The following CMTM8 variants were observed in gnomAD, a reference collection of about 807,000 sequenced individuals.
The protein encoded by CMTM8 is CKLF like MARVEL transmembrane domain containing 8.
Under a neutral mutation model 18.6 loss-of-function variants are expected in CMTM8, and 12 were observed. That is an observed-to-expected ratio of 0.65 (90% confidence interval 0.41 to 1.05). CMTM8 has a LOEUF of 1.05. Ranked by LOEUF, CMTM8 falls within the 50% of genes least tolerant of loss-of-function variation. The pLI is 0.00. For synonymous variants in CMTM8, 87 were observed against 90.6 expected, an observed-to-expected ratio of 0.96 and a Z score of 0.23; for missense variants, 217 against 227.2, an observed-to-expected ratio of 0.95 and a Z score of 0.29.
intron 1 of CMTM8, among the ~76,000 whole-genome samples, chr3:32,343,738 C>A (rs1696544057): frequency 6.6e-6 from 1 of 152,150 alleles, no homozygotes; most frequent in Non-Finnish European, 1.5e-5. Context: ...CCAATCTTGT[C>A]ACCCAGGCTG....
intron 2 of CMTM8, among the ~76,000 whole-genome samples, chr3:32,362,704 C>T (rs1353669392): frequency 1.3e-5 from 2 of 152,138 alleles, no homozygotes; most frequent in Non-Finnish European, 2.9e-5. Flanking sequence ...CTAAAGAGTC[C>T]CATTTGTTAT....
intron 1 of CMTM8, among the ~76,000 whole-genome samples, chr3:32,325,293 T>G (rs1370340549): frequency 2.0e-5 from 3 of 152,212 alleles, no homozygotes; most frequent in Non-Finnish European, 4.4e-5. Context: ...AAGGGGTGCT[T>G]CTGTGCAACT....
At chr3:32,300,633 A>G (rs1232712358) in intron 1 of CMTM8, among the ~76,000 whole-genome samples, 3 of 152,210 alleles carry the variant, frequency 2.0e-5, no homozygotes, top group African/African-American at 7.2e-5. Context: ...TTTGGATTTC[A>G]TAGCATTTTC....
chr3:32,263,202 C>T (rs941449943), intron 1 of CMTM8, among the ~76,000 whole-genome samples: 1 of 152,224 alleles, frequency 6.6e-6, no homozygotes, highest in African/African-American at 2.4e-5. Context: ...AGGCACCCCC[C>T]AGTAGGGGCA....
At chr3:32,247,358 G>A (rs1203838931) in intron 1 of CMTM8, among the ~76,000 whole-genome samples, 1 of 152,110 alleles carries the variant, frequency 6.6e-6, no homozygotes, top group Non-Finnish European at 1.5e-5. Context: ...TTTCGCCCAG[G>A]CTGGAGGGCG....
At chr3:32,354,436 T>C (rs1240378997) in intron 1 of CMTM8, among the ~76,000 whole-genome samples, 1 of 152,228 alleles carries the variant, frequency 6.6e-6, no homozygotes, top group African/African-American at 2.4e-5. Context: ...AGTATTCCCG[T>C]TCTTTGAAAG....
chr3:32,335,281 C>T (rs892213808), intron 1 of CMTM8, among the ~76,000 whole-genome samples: 2 of 152,154 alleles, frequency 1.3e-5, no homozygotes, highest in Non-Finnish European at 2.9e-5. Flanking sequence ...GAAGCCTTCC[C>T]GTACATGTCA....
chr3:32,286,618 A>C lies in CMTM8; in HGVS notation c.147+47499A>C, dbSNP rs1217150992. Among the ~76,000 whole-genome samples, 9 of 152,212 alleles carry C rather than the reference A, an allele frequency of 5.9e-5. No homozygotes were observed. In the East Asian group the frequency reaches 1.7e-3, roughly 29 times the overall value. On this transcript the variant is annotated intron_variant, in intron 1 of 3. Transcript: ENST00000307526. ...AGGATTGGCACCATTTCCCATAGGA[A>C]GGCGTAACACACATGTTCTCAGCTC...
chr3:32,363,302 G>A lies in CMTM8; in HGVS notation c.322-4570G>A, dbSNP rs553134952. On this transcript the variant is annotated intron_variant, in intron 2 of 3. Transcript: ENST00000307526. ...TGCCATCTTTAACAGTTGGCCTGTG[G>A]TCCAAGGTGGCAGCTTCAGCACCTG... is the stretch of plus-strand genomic sequence containing the variant. Among the ~76,000 whole-genome samples the A allele has an allele frequency of 4.6e-5, 7 of 152,286 alleles. No individual in the cohort carries two copies. The South Asian group carries it at 1.2e-3, about 27-fold the overall frequency.
intron 1 of CMTM8, chr3:32,259,849 GTC>G: frequency 1.2e-6 from 1 of 835,026 alleles, no homozygotes. Context: ...ATGCAGTCCA[GTC>G]CTTGGAGATT....
At position 32,340,876 on chromosome 3, in the gene CMTM8, G is replaced by T. The variant is rs76509401; in HGVS notation, c.148-16497G>T. On this transcript the variant is annotated intron_variant, in intron 1 of 3. Coordinates refer to ENST00000307526, the MANE Select transcript of CMTM8 (RefSeq NM_178868.5). ...AGGGACCCAAGCCTCATTCACCTTT[G>T]TACCCTGGGCACTCAGTATTGTGCC... 2.4e-3 allele frequency among the ~76,000 whole-genome samples: 369 copies of T among 152,300 alleles called. 5 individuals carry two copies. The highest frequency in any genetic ancestry group is 8.6e-3 in the African/African-American group (357 of 41,566).
At chr3:32,289,360 A>T (rs1702741914) in intron 1 of CMTM8, among the ~76,000 whole-genome samples, 1 of 152,220 alleles carries the variant, frequency 6.6e-6, no homozygotes, top group African/African-American at 2.4e-5. Context: ...ACTCTGCTGT[A>T]TACTCTATGG....
At chr3:32,332,038 G>GCACACA (rs3060733) in intron 1 of CMTM8, among the ~76,000 whole-genome samples, 2 of 150,322 alleles carry the variant, frequency 1.3e-5, no homozygotes, top group Admixed American at 6.6e-5. Flanking sequence ...GACCACACGC[G>GCACACA]CACACACACA....
chr3:32,317,179 A>T (rs1273789417), intron 1 of CMTM8, among the ~76,000 whole-genome samples: 2 of 152,136 alleles, frequency 1.3e-5, no homozygotes, highest in African/African-American at 2.4e-5. Flanking sequence ...TGGTCGTAGG[A>T]TTGACCTCAG....
chr3:32,347,431 TGGCCACCCCCC>T (rs1192671847), intron 1 of CMTM8, among the ~76,000 whole-genome samples: 1 of 151,762 alleles, frequency 6.6e-6, no homozygotes, highest in African/African-American at 2.4e-5. Flanking sequence ...GGCTGTACTT[TGGCCACCCCCC>T]GGCACAGCAC....
At chr3:32,266,557 C>T (rs962213978) in intron 1 of CMTM8, among the ~76,000 whole-genome samples, 2 of 152,152 alleles carry the variant, frequency 1.3e-5, no homozygotes, top group Non-Finnish European at 2.9e-5. Flanking sequence ...ACAGGGATGC[C>T]CTCTCTCACC....
chr3:32,293,716 C>T (rs969713924), intron 1 of CMTM8, among the ~76,000 whole-genome samples: 1 of 152,098 alleles, frequency 6.6e-6, no homozygotes, highest in Non-Finnish European at 1.5e-5. Flanking sequence ...TGTAGTGGCA[C>T]ACACCTGTAG....
At chr3:32,308,511 A>G (rs570590389) in intron 1 of CMTM8, among the ~76,000 whole-genome samples, 1 of 152,270 alleles carries the variant, frequency 6.6e-6, no homozygotes, top group African/African-American at 2.4e-5. Flanking sequence ...AGTGCACTAG[A>G]GTTGGAAAGG....
rs560234118 is a variant in CMTM8, at chr3:32,309,391, T to A, written c.148-47982T>A. Among the ~76,000 whole-genome samples, 15 of 132,280 alleles carry A rather than the reference T, an allele frequency of 1.1e-4. No individual in the cohort carries two copies. In the East Asian group the frequency reaches 3.7e-3, roughly 33 times the overall value. 86.8% of individuals were successfully genotyped at this position (132,280 alleles called of 152,430 possible). On this transcript the variant is annotated intron_variant, in intron 1 of 3. Coordinates refer to ENST00000307526, the MANE Select transcript of CMTM8 (RefSeq NM_178868.5). The stretch of plus-strand genomic sequence containing the variant: ...GGTACAATCTCAGCTCACTGCAACC[T>A]CCACCTCCCGGGTTCAAGTGATTCT...
Sources: allele counts gnomAD v4.1 joint callset (sites outside exome capture counted in the v4.1 genomes callset), GRCh38; gene constraint gnomAD v4.1.1; transcripts MANE v1.5; gene names NCBI Gene and HGNC (gene_info 2026-07-23, HGNC 2026-07-21).